The following SCHIP1 variants were observed in gnomAD, a reference collection of about 807,000 sequenced individuals.
SCHIP1 encodes the protein schwannomin interacting protein 1.
Under a neutral mutation model 29.7 loss-of-function variants are expected in SCHIP1, and 8 were observed. That is an observed-to-expected ratio of 0.27 (90% CI 0.16 to 0.49). SCHIP1 has a LOEUF of 0.49. SCHIP1 is among the 20% of genes least tolerant of loss of function. SCHIP1 has a pLI of 0.99. For missense variants in SCHIP1, 193 were observed against 294.6 expected (o/e 0.66, Z 2.52); for synonymous variants, 76 against 94.9 (o/e 0.80, Z 1.16).
the SCHIP1 span, among the ~76,000 whole-genome samples, chr3:159,491,869 C>T: frequency 1.3e-5 from 2 of 152,196 alleles, no homozygotes; most frequent in South Asian, 2.1e-4. Flanking sequence ...CAGACTGACA[C>T]CTCACACGGC....
At chr3:159,809,725 G>T in the SCHIP1 span, among the ~76,000 whole-genome samples, 1 of 152,004 alleles carries the variant, frequency 6.6e-6, no homozygotes, top group Non-Finnish European at 1.5e-5. Context: ...TTATAGCCAG[G>T]TGCAGTGGCT....
the SCHIP1 span, among the ~76,000 whole-genome samples, chr3:159,523,485 T>G: frequency 0.044 from 6,636 of 152,324 alleles, 206 homozygotes; most frequent in South Asian, 0.079. Flanking sequence ...TAGGTTTTTG[T>G]CTTTTAAAAA....
chr3:159,650,771 A>G, the SCHIP1 span, among the ~76,000 whole-genome samples: 19 of 152,336 alleles, frequency 1.2e-4, no homozygotes, highest in African/African-American at 4.6e-4. Flanking sequence ...GCCATTTGCA[A>G]GAGTATCTTC....
the SCHIP1 span, among the ~76,000 whole-genome samples, chr3:159,519,690 A>G: frequency 7.9e-5 from 12 of 152,126 alleles, no homozygotes; most frequent in Non-Finnish European, 1.5e-4. Flanking sequence ...TTATGAAAGC[A>G]TTGAATGTTT....
the SCHIP1 span, among the ~76,000 whole-genome samples, chr3:159,397,322 G>A: frequency 6.6e-6 from 1 of 152,142 alleles, no homozygotes; most frequent in African/African-American, 2.4e-5. Context: ...CTCTCAGCTC[G>A]TTAAAGTCAT....
chr3:159,539,153 C>T, the SCHIP1 span, among the ~76,000 whole-genome samples: 1 of 152,002 alleles, frequency 6.6e-6, no homozygotes, highest in Non-Finnish European at 1.5e-5. Context: ...ACGCAGTGCC[C>T]ATTGAAAGTT....
chr3:159,539,101 C>T, the SCHIP1 span, among the ~76,000 whole-genome samples: 1 of 152,030 alleles, frequency 6.6e-6, no homozygotes, highest in African/African-American at 2.4e-5. Flanking sequence ...AAATCTTTAT[C>T]TTATAATGCA....
chr3:159,854,931 A>T (rs900757205), intron 1 of SCHIP1, among the ~76,000 whole-genome samples: 19 of 152,360 alleles, frequency 1.2e-4, no homozygotes, highest in African/African-American at 4.3e-4. Context: ...GCAACCTGAG[A>T]CAGGGCTGAC....
At chr3:159,616,538 G>A in the SCHIP1 span, among the ~76,000 whole-genome samples, 1 of 152,200 alleles carries the variant, frequency 6.6e-6, no homozygotes, top group Non-Finnish European at 1.5e-5. Context: ...GGACATGGAC[G>A]ATTTCTTTCA....
the SCHIP1 span, among the ~76,000 whole-genome samples, chr3:159,666,140 A>T: frequency 6.6e-6 from 1 of 152,214 alleles, no homozygotes; most frequent in South Asian, 2.1e-4. Context: ...AATGAAAAGC[A>T]GAGTGGTATG....
chr3:159,647,063 T>G, the SCHIP1 span, among the ~76,000 whole-genome samples: 2 of 151,168 alleles, frequency 1.3e-5, no homozygotes, highest in East Asian at 3.9e-4. Flanking sequence ...GTAACCGAAA[T>G]GGAATACATA....
chr3:159,348,233 C>G, the SCHIP1 span, among the ~76,000 whole-genome samples: 1 of 151,978 alleles, frequency 6.6e-6, no homozygotes, highest in African/African-American at 2.4e-5. Flanking sequence ...GCAAAGATAC[C>G]ACATACCTGC....
the SCHIP1 span, among the ~76,000 whole-genome samples, chr3:159,473,013 G>A: frequency 2.6e-5 from 4 of 152,066 alleles, no homozygotes; most frequent in East Asian, 5.8e-4. Flanking sequence ...TCATTATTTT[G>A]CATTATATAG....
chr3:159,515,839 C>T, the SCHIP1 span, among the ~76,000 whole-genome samples: 3 of 151,776 alleles, frequency 2.0e-5, no homozygotes, highest in South Asian at 4.2e-4. Flanking sequence ...GATATGGTAG[C>T]GAATAAAATA....
At chr3:159,698,577 G>C in the SCHIP1 span, among the ~76,000 whole-genome samples, 1 of 152,028 alleles carries the variant, frequency 6.6e-6, no homozygotes, top group Non-Finnish European at 1.5e-5. Flanking sequence ...AACCTCTCTA[G>C]GTCTTATTTG....
chr3:159,280,539 G>A, the SCHIP1 span, among the ~76,000 whole-genome samples: 3 of 152,200 alleles, frequency 2.0e-5, no homozygotes, highest in Admixed American at 1.3e-4. Context: ...CTCAATTCCC[G>A]TTAGTCTCAA....
chr3:159,393,967 G>C, the SCHIP1 span, among the ~76,000 whole-genome samples: 2 of 152,026 alleles, frequency 1.3e-5, no homozygotes, highest in East Asian at 1.9e-4. Flanking sequence ...TCTTCCATTT[G>C]TTTGTATCCT....
At chr3:159,796,190 G>T in the SCHIP1 span, among the ~76,000 whole-genome samples, 2 of 152,200 alleles carry the variant, frequency 1.3e-5, no homozygotes, top group African/African-American at 4.8e-5. Context: ...TTGTTGGGGA[G>T]TGGTGTCTGA....
the SCHIP1 span, among the ~76,000 whole-genome samples, chr3:159,773,450 C>A: frequency 6.6e-6 from 1 of 152,126 alleles, no homozygotes; most frequent in Admixed American, 6.5e-5. Flanking sequence ...TCAAGTCACC[C>A]GACTCCTAAT....
Sources: allele counts gnomAD v4.1 joint callset (sites outside exome capture counted in the v4.1 genomes callset), GRCh38; gene constraint gnomAD v4.1.1; transcripts MANE v1.5; gene names NCBI Gene and HGNC (gene_info 2026-07-23, HGNC 2026-07-21).